Variants in PCDHA1 observed in about 807,000 individuals in gnomAD.
PCDHA1 encodes the protein protocadherin alpha 1.
Under a neutral mutation model 61.3 loss-of-function variants are expected in PCDHA1, and 42 were observed. That is an observed-to-expected ratio of 0.69 (90% CI 0.54 to 0.89). The LOEUF is 0.89. Ranked by LOEUF, PCDHA1 falls within the 40% of genes least tolerant of loss-of-function variation. The probability of loss-of-function intolerance (pLI) is 0.00; values close to 1 mark genes in which losing one functional copy is unlikely to be tolerated. For synonymous variants in PCDHA1, 610 were observed against 553.8 expected (o/e 1.10, Z -1.43); for missense variants, 1,256 against 1,235.3 (o/e 1.02, Z -0.25).
chr5:140,830,001 T>C, intron 1 of PCDHA1: 1 of 1,613,958 alleles, frequency 6.2e-7, no homozygotes, highest in South Asian at 1.1e-5. Flanking sequence ...ACTCGTGTCC[T>C]GGACGAAGCG....
intron 1 of PCDHA1, chr5:140,824,613 T>TG (rs1768224029): frequency 8.2e-6 from 1 of 122,680 alleles, no homozygotes; most frequent in East Asian, 2.1e-4. Flanking sequence ...AATTAAAGTT[T>TG]TTTTTTTTTT....
At chr5:140,937,911 CAAA>C (rs200797202) in intron 1 of PCDHA1, among the ~76,000 whole-genome samples, 2 of 117,898 alleles carry the variant, frequency 1.7e-5, no homozygotes, top group Non-Finnish European at 1.9e-5. Context: ...GACTCCGTCT[CAAA>C]AAAAAAAAAA....
chr5:140,796,746 G>A, intron 1 of PCDHA1: 3 of 1,614,150 alleles, frequency 1.9e-6, no homozygotes, highest in Non-Finnish European at 2.5e-6. Flanking sequence ...TGGCGAAGGT[G>A]CGCGCAGTGG....
chr5:140,792,490 G>A (rs564119343), intron 1 of PCDHA1, among the ~76,000 whole-genome samples: 11 of 151,898 alleles, frequency 7.2e-5, no homozygotes, highest in African/African-American at 2.4e-4. Flanking sequence ...TGCTGAGCAT[G>A]GCTTCTTAAT....
intron 1 of PCDHA1, chr5:140,870,851 C>T: frequency 6.2e-7 from 1 of 1,613,838 alleles, no homozygotes; most frequent in Non-Finnish European, 8.5e-7. Context: ...GTACCGCGGT[C>T]GGTGGGTGCG....
intron 1 of PCDHA1, chr5:140,863,295 C>A: frequency 6.8e-7 from 1 of 1,463,648 alleles, no homozygotes; most frequent in South Asian, 1.1e-5. Context: ...TGTACCTGAT[C>A]ATCGCCATCT....
At chr5:140,809,189 T>C (rs782091901) in intron 1 of PCDHA1, 1 of 1,614,030 alleles carries the variant, frequency 6.2e-7, no homozygotes. Context: ...TGTGCTGGTG[T>C]CACTTGTGGA....
intron 1 of PCDHA1, chr5:140,835,300 G>A (rs2150233515): frequency 6.2e-7 from 1 of 1,612,674 alleles, no homozygotes; most frequent in Non-Finnish European, 8.5e-7. Flanking sequence ...ACAGTGATAG[G>A]ACATATGGAT....
chr5:140,875,579 A>G (rs552791418), intron 1 of PCDHA1: 3 of 1,614,050 alleles, frequency 1.9e-6, no homozygotes, highest in Non-Finnish European at 2.5e-6. Context: ...TACTCCGTCT[A>G]CGAGGAGGCC....
At chr5:140,793,132 G>A (rs1039448121) in intron 1 of PCDHA1, among the ~76,000 whole-genome samples, 1 of 152,208 alleles carries the variant, frequency 6.6e-6, no homozygotes. Flanking sequence ...GCACTTTCTG[G>A]TAAGAGTCAT....
At position 140,993,767 on chromosome 5, in the gene PCDHA1, G is replaced by C. The variant is rs115607244; in HGVS notation, c.2542+11204G>C. ...ATACTTGCCATTATATTACAATTGC[G>C]CAGTATTTTGTACAGTAACATGCTG... On this transcript the variant is annotated intron_variant, in intron 3 of 3. Transcript: ENST00000504120. Among the ~76,000 whole-genome samples, 826 of 152,124 alleles carry C rather than the reference G, an allele frequency of 5.4e-3. 11 individuals are homozygous for C. Among genetic ancestry groups the C allele is most frequent in the African/African-American group, 0.018 (749 of 41,482 alleles).
chr5:140,954,698 A>C (rs185399105), intron 1 of PCDHA1, among the ~76,000 whole-genome samples: 5 of 152,208 alleles, frequency 3.3e-5, no homozygotes, highest in African/African-American at 1.2e-4. Context: ...TAGACTACAA[A>C]ATTTTTCTCC....
At chr5:140,870,473 C>G (rs1232580918) in intron 1 of PCDHA1, 1 of 1,614,124 alleles carries the variant, frequency 6.2e-7, no homozygotes, top group Non-Finnish European at 8.5e-7. Context: ...TTCGCACAGC[C>G]CGAGTACACC....
At chr5:140,946,611 A>AATATAT (rs1554217734) in intron 1 of PCDHA1, among the ~76,000 whole-genome samples, 1,127 of 86,766 alleles carry the variant, frequency 0.013, 130 homozygotes, top group African/African-American at 0.067. Flanking sequence ...GAAAATGTGA[A>AATATAT]ATATATATAT....
At chr5:140,950,580 C>T (rs2094499075) in intron 1 of PCDHA1, among the ~76,000 whole-genome samples, 1 of 151,958 alleles carries the variant, frequency 6.6e-6, no homozygotes, top group South Asian at 2.1e-4. Context: ...TTTCTACTTA[C>T]CTTTGGTTTA....
At chr5:140,858,851 A>G in intron 1 of PCDHA1, 1 of 282,254 alleles carries the variant, frequency 3.5e-6, no homozygotes, top group Non-Finnish European at 6.7e-6. Flanking sequence ...ACTGATCTAT[A>G]TCTCTTCAGT....
Position 141,009,792 on chromosome 5 carries a change from C to T in PCDHA1, c.2708C>T (p.Pro903Leu). Residue 903 changes from proline (P) to leucine (L), a missense_variant, in exon 4 of 4, where the codon CCT (proline) becomes CTT (leucine). Physicochemically the swap from Pro to Leu is moderately conservative, Grantham distance 98. Transcript: ENST00000504120. ...GCAATCATCTCCATCCGGCAGGAGC[C>T]TACTAACAGCCAAATTGACAAAAGT... ...SPAIISIRQEPTNSQIDKSDF... is the reference protein window; with the variant it reads ...SPAIISIRQELTNSQIDKSDF... 1 of 1,614,068 alleles carries T rather than the reference C, an allele frequency of 6.2e-7. No individual in the cohort carries two copies. The highest frequency in any genetic ancestry group is 8.5e-7 in the Non-Finnish European group (1 of 1,180,026).
At chr5:140,956,754 C>T (rs1470553559) in intron 1 of PCDHA1, among the ~76,000 whole-genome samples, 5 of 152,140 alleles carry the variant, frequency 3.3e-5, no homozygotes, top group African/African-American at 1.2e-4. Flanking sequence ...TGATAGAATT[C>T]AGCTGTAAAT....
In PCDHA1 at chr5:140,872,829, G is replaced by GA. The variant is rs1562676145; in HGVS notation, c.2394+84151dup. ...AAGTTTTTCAGATTCATCTAGCAGA[G>GA]AAAAAATTAAATATATTAATGTGAG... is the stretch of plus-strand genomic sequence containing the variant. On this transcript the variant is annotated intron_variant, in intron 1 of 3. Transcript: ENST00000504120. Among the ~76,000 whole-genome samples, 5 of 152,156 alleles carry GA rather than the reference G, an allele frequency of 3.3e-5. No homozygotes were observed. The South Asian group carries it at 8.3e-4, about 25-fold the overall frequency.
Sources: gnomAD v4.1 joint callset for allele counts (sites outside exome capture counted in the v4.1 genomes callset) on GRCh38, gnomAD v4.1.1 for gene constraint, MANE v1.5 for transcripts, NCBI Gene and HGNC (gene_info 2026-07-23, HGNC 2026-07-21) for gene names.